The following CCNDBP1 variants were observed in gnomAD, a reference collection of about 807,000 sequenced individuals.
The protein encoded by CCNDBP1 is cyclin-D1-binding protein 1.
CCNDBP1 carries 45 observed loss-of-function variants against 46.2 expected under a neutral mutation model. The observed-to-expected ratio is 0.97, with a 90% CI of 0.77 to 1.25. The LOEUF (loss-of-function observed/expected upper bound fraction) is 1.25. Among genes scored for constraint, CCNDBP1 ranks in the 50% most tolerant of loss-of-function variants. The pLI is 0.00. For missense variants in CCNDBP1, 436 were observed against 442.1 expected, an observed-to-expected ratio of 0.99 and a Z score of 0.12; for synonymous variants, 154 against 163.6, an observed-to-expected ratio of 0.94 and a Z score of 0.45.
chr15:43,191,591 G>A lies in CCNDBP1; in HGVS notation c.776G>A (p.Arg259Gln), dbSNP rs373733597. ...TCCAAAGCCTGCCTGAAGAAAATTC[G>A]GATGTTAGTGGCAGAGAATGGGAAG... Reference protein sequence around the residue: ...RASKACLKKIRMLVAENGKKD... With the variant: ...RASKACLKKIQMLVAENGKKD... The change falls in exon 8 of 11, where the codon CGG (arginine) becomes CAG (glutamine). Residue 259 changes from arginine (R) to glutamine (Q), a missense_variant. Physicochemically the swap from Arg to Gln is conservative, Grantham distance 43. Coordinates refer to ENST00000300213, the MANE Select transcript of CCNDBP1 (RefSeq NM_012142.5). The A allele has an allele frequency of 2.3e-5, 37 of 1,613,784 alleles. No individual in the cohort carries two copies. The highest frequency in any genetic ancestry group is 5.5e-5 in the South Asian group (5 of 91,080).
intron 8 of CCNDBP1, 37 bp downstream of exon 8, chr15:43,191,712 G>T (rs1262863266): frequency 2.0e-5 from 31 of 1,578,054 alleles, no homozygotes; most frequent in Non-Finnish European, 2.5e-5. Flanking sequence ...CTGAGCAGCA[G>T]CGTTCTGATT....
At chr15:43,191,163 C>T in intron 7 of CCNDBP1, 121 bp downstream of exon 7, 2 of 851,540 alleles carry the variant, frequency 2.3e-6, no homozygotes, top group Non-Finnish European at 3.8e-6. Flanking sequence ...CCTCTGTCTT[C>T]CATCTCCCAC....
chr15:43,193,153 C>A, intron 9 of CCNDBP1: 1 of 225,278 alleles, frequency 4.4e-6, no homozygotes, highest in Non-Finnish European at 8.8e-6. Flanking sequence ...GCCTGGCCAA[C>A]ATGGCGAAAC....
chr15:43,194,120 C>T (rs1317033854), intron 9 of CCNDBP1: 2 of 262,902 alleles, frequency 7.6e-6, no homozygotes, highest in Admixed American at 1.4e-4. Flanking sequence ...GAGCTATCAG[C>T]ATTTGGGACC....
chr15:43,197,110 A>AAGCCCTCACTGTTTCTTGTACAGCCTGC lies in CCNDBP1; in HGVS notation c.*2272_*2299dup. 2.8e-6 allele frequency: 2 copies of AAGCCCTCACTGTTTCTTGTACAGCCTGC among 712,084 alleles called. No individual in the cohort carries two copies. The highest frequency in any genetic ancestry group is 3.6e-5 in the South Asian group (2 of 56,266). The allele number at this position is 712,084 out of a possible 1,614,324, so 44.1% of individuals were successfully genotyped here. A position where few individuals can be genotyped will look rare whatever the true frequency, so the allele number is the denominator to read the frequency against. On this transcript the variant is annotated 3_prime_UTR_variant, in exon 11 of 11. Coordinates refer to ENST00000300213, the MANE Select transcript of CCNDBP1 (RefSeq NM_012142.5). ...TTCCTGCATAAGTGGAAGCAGCCTGAAGCCCTCACTGTTTCTTGTACAGCC... is the reference window on the plus strand; with the variant it reads ...TTCCTGCATAAGTGGAAGCAGCCTGAAGCCCTCACTGTTTCTTGTACAGCCTGCAGCCCTCACTGTTTCTTGTACAGCC...
In CCNDBP1 at chr15:43,194,618, A is replaced by G. The variant is rs547905836; in HGVS notation, c.969-109A>G. 78 of 1,017,158 alleles carry G rather than the reference A, an allele frequency of 7.7e-5. 1 individual carries two copies. In the African/African-American group the frequency reaches 1.0e-3, roughly 13 times the overall value. The allele number at this position is 1,017,158 out of a possible 1,614,324, so 63.0% of individuals were successfully genotyped here. On this transcript the variant is annotated intron_variant, in intron 10 of 10. Coordinates refer to ENST00000300213, the MANE Select transcript of CCNDBP1 (RefSeq NM_012142.5). ...GTGGGGCAGCTGAGATTCTGCAAAG[A>G]AGCTTCCCTTTAAAAAAATTTTAGT...
Position 43,195,004 on chromosome 15 carries a change from A to T in CCNDBP1, c.*163A>T, listed in dbSNP as rs1284622047. ...AAAGATTGTTGGTTAGGCCAGATTG[A>T]CACCTATTTATAAACCATATGCGTA... On this transcript the variant is annotated 3_prime_UTR_variant, in exon 11 of 11. Coordinates refer to ENST00000300213, the MANE Select transcript of CCNDBP1 (RefSeq NM_012142.5). 23 of 537,776 alleles carry T rather than the reference A, an allele frequency of 4.3e-5. No homozygotes were observed. The highest frequency in any genetic ancestry group is 6.9e-5 in the Non-Finnish European group (21 of 302,720). 33.3% of individuals were successfully genotyped at this position (537,776 alleles called of 1,614,324 possible). A position where few individuals can be genotyped will look rare whatever the true frequency, so the allele number is the denominator to read the frequency against.
chr15:43,188,527 C>T (rs2041889082), intron 3 of CCNDBP1: 1 of 152,232 alleles, frequency 6.6e-6, no homozygotes, highest in Admixed American at 6.5e-5. Flanking sequence ...TGTCCCAATA[C>T]ACTTCATTTC....
chr15:43,191,228 G>A (rs1376399472), intron 7 of CCNDBP1, among the ~76,000 whole-genome samples, 167 bp from the exon 8 acceptor site: 1 of 152,172 alleles, frequency 6.6e-6, no homozygotes, highest in Non-Finnish European at 1.5e-5. Flanking sequence ...ACTGGACAAG[G>A]AGAGCGAGAA....
chr15:43,191,343 CTTTTTTTTTT>C, intron 7 of CCNDBP1, 42 bp from the exon 8 acceptor site: 20 of 682,300 alleles, frequency 2.9e-5, no homozygotes, highest in Admixed American at 3.5e-5. Context: ...TAGGCCTCGC[CTTTTTTTTTT>C]TTTTTTTTTT....
At chr15:43,193,536 G>A (rs77090230) in intron 9 of CCNDBP1, among the ~76,000 whole-genome samples, 5,515 of 152,114 alleles carry the variant, frequency 0.036, 335 homozygotes, top group African/African-American at 0.12. Flanking sequence ...AGAAATAAGT[G>A]TTCCAGAAAC....
intron 3 of CCNDBP1, among the ~76,000 whole-genome samples, chr15:43,186,953 T>C (rs2041859367): frequency 6.6e-6 from 1 of 152,214 alleles, no homozygotes; most frequent in Non-Finnish European, 1.5e-5. Flanking sequence ...TGTGTGTATA[T>C]TGGTAGAAAA....
In CCNDBP1 at chr15:43,196,556, G is replaced by C. The variant is rs2042040528; in HGVS notation, c.*1715G>C. 1 of 152,162 alleles carries C rather than the reference G, an allele frequency of 6.6e-6. No individual in the cohort carries two copies. Among genetic ancestry groups the C allele is most frequent in the Non-Finnish European group, 1.5e-5 (1 of 68,202 alleles). The allele number at this position is 152,162 out of a possible 1,614,324, so 9.4% of individuals were successfully genotyped here. ...GCCCACGTCAGCCTCCCAAAGTGCTGGGATTACAGATGTGAGCCACCGAGC... is the reference window on the plus strand; with the variant it reads ...GCCCACGTCAGCCTCCCAAAGTGCTCGGATTACAGATGTGAGCCACCGAGC... On this transcript the variant is annotated 3_prime_UTR_variant, in exon 11 of 11. Transcript: ENST00000300213.
intron 3 of CCNDBP1, chr15:43,188,561 CTT>C (rs1474245207): frequency 6.6e-6 from 1 of 152,272 alleles, no homozygotes; most frequent in African/African-American, 2.4e-5. Flanking sequence ...TGGGGCCTGA[CTT>C]GGCCTGAGGA....
At position 43,194,714 on chromosome 15, in the gene CCNDBP1, A is replaced by G. The variant is rs142778869; in HGVS notation, c.969-13A>G. 5.1e-6 allele frequency: 8 copies of G among 1,555,888 alleles called. No homozygotes were observed. The East Asian group carries it at 1.1e-4, about 22-fold the overall frequency. On this transcript the variant is annotated splice_polypyrimidine_tract_variant and intron_variant, in intron 10 of 10. Coordinates refer to ENST00000300213, the MANE Select transcript of CCNDBP1 (RefSeq NM_012142.5). ...AATAAGTTTAACTTACTTCTTTCCT[A>G]TTCTATTCACAGAGCAAGTCATGTG...
chr15:43,188,913 C>T (rs936731395), intron 3 of CCNDBP1: 4 of 254,196 alleles, frequency 1.6e-5, no homozygotes, highest in Non-Finnish European at 2.3e-5. Flanking sequence ...CCCATCTCTA[C>T]TAAAAATACA....
In CCNDBP1 at chr15:43,196,937, T is replaced by C. The variant is rs1057418069; in HGVS notation, c.*2096T>C. 2.4e-5 allele frequency: 8 copies of C among 331,734 alleles called. No individual in the cohort carries two copies. The highest frequency in any genetic ancestry group is 1.7e-4 in the Admixed American group (4 of 23,514). 20.5% of individuals were successfully genotyped at this position (331,734 alleles called of 1,614,324 possible). ...ATCCCTCATGAATGGCTTCGTTCCA[T>C]TGGTGGGGTAATGAGTAAGTTCTCG... On this transcript the variant is annotated 3_prime_UTR_variant, in exon 11 of 11. Transcript: ENST00000300213.
At position 43,189,271 on chromosome 15, in the gene CCNDBP1, A is replaced by G. The variant is rs764859089; in HGVS notation, c.322A>G (p.Lys108Glu). ...AFIAVYYLLP[K>E]DQGITLRKLV... ...TATTGCAGTGTACTATTTGCTTCCA[A>G]AGGATCAGGGTAAGCCACATAAGTG... Residue 108 changes from lysine (K) to glutamate (E), a missense_variant, in exon 4 of 11, where the codon AAG (lysine) becomes GAG (glutamate). Physicochemically the swap from Lys to Glu is moderately conservative, Grantham distance 56 (BLOSUM62 1). Transcript: ENST00000300213. The G allele has an allele frequency of 6.2e-7, 1 of 1,601,444 alleles. No homozygotes were observed. The highest frequency in any genetic ancestry group is 8.5e-7 in the Non-Finnish European group (1 of 1,169,828).
intron 3 of CCNDBP1, among the ~76,000 whole-genome samples, chr15:43,187,204 A>G (rs1314374413): frequency 6.6e-6 from 1 of 152,068 alleles, no homozygotes; most frequent in East Asian, 1.9e-4. Context: ...GTGTTTGGAA[A>G]GGATATAAAT....
Sources: allele counts gnomAD v4.1 joint callset (sites outside exome capture counted in the v4.1 genomes callset), GRCh38; gene constraint gnomAD v4.1.1; transcripts MANE v1.5; gene names NCBI Gene and HGNC (gene_info 2026-07-23, HGNC 2026-07-21).